LIPC: variants seen among roughly 807,000 people sequenced by gnomAD.
LIPC encodes lipase C, hepatic type, also known as hepatic triacylglycerol lipase.
LIPC carries 44 observed loss-of-function variants against 50.7 expected under a neutral mutation model. That is an observed-to-expected ratio of 0.87 (90% confidence interval 0.68 to 1.11). The LOEUF is 1.11. LIPC is among the 50% of genes most tolerant of loss of function. The pLI, the probability that LIPC is intolerant of heterozygous loss-of-function variation, is 0.00. For missense variants in LIPC, 697 were observed against 648.2 expected, an observed-to-expected ratio of 1.08 and a Z score of -0.82; for synonymous variants, 271 against 256.4, an observed-to-expected ratio of 1.06 and a Z score of -0.54.
intron 1 of LIPC, among the ~76,000 whole-genome samples, chr15:58,457,545 A>G (rs1373861752): frequency 1.3e-5 from 2 of 152,224 alleles, no homozygotes; most frequent in Non-Finnish European, 2.9e-5. Flanking sequence ...TCTGTGCCCC[A>G]CATCCCCTCA....
At chr15:58,516,319 T>C (rs1892489702) in intron 1 of LIPC, among the ~76,000 whole-genome samples, 1 of 151,264 alleles carries the variant, frequency 6.6e-6, no homozygotes, top group Non-Finnish European at 1.5e-5. Flanking sequence ...TTCCCTCATA[T>C]TTTTTGTGTT....
At chr15:58,534,395 C>G (rs1277305325) in intron 1 of LIPC, among the ~76,000 whole-genome samples, 1 of 152,172 alleles carries the variant, frequency 6.6e-6, no homozygotes, top group African/African-American at 2.4e-5. Context: ...GAGGCTCAGA[C>G]CCCTGGGCTT....
chr15:58,515,533 C>CACACATATATATATATATATATATAT (rs147594972), intron 1 of LIPC, among the ~76,000 whole-genome samples: 19 of 141,722 alleles, frequency 1.3e-4, no homozygotes, highest in African/African-American at 4.9e-4. Flanking sequence ...TATACACACA[C>CACACATATATATATATATATATATAT]ATATATATAT....
intron 2 of LIPC, 113 bp downstream of exon 2, chr15:58,538,630 T>A: frequency 9.7e-7 from 1 of 1,033,578 alleles, no homozygotes; most frequent in East Asian, 2.4e-5. Context: ...ACTCCATGCA[T>A]AATGTTTATG....
At chr15:58,492,064 G>T (rs1011801161) in intron 1 of LIPC, among the ~76,000 whole-genome samples, 2 of 152,110 alleles carry the variant, frequency 1.3e-5, no homozygotes, top group East Asian at 3.8e-4. Flanking sequence ...CCCCAGAGAG[G>T]GACTGTCCCT....
intron 8 of LIPC, among the ~76,000 whole-genome samples, chr15:58,567,797 G>GT (rs1360841873): frequency 1.3e-5 from 2 of 152,132 alleles, no homozygotes; most frequent in African/African-American, 4.8e-5. Context: ...CTCAATATAT[G>GT]TAAATGCATA....
At chr15:58,445,925 G>A (rs1349953835) in intron 1 of LIPC, among the ~76,000 whole-genome samples, 1 of 152,178 alleles carries the variant, frequency 6.6e-6, no homozygotes, top group Admixed American at 6.5e-5. Flanking sequence ...CGATTCATAT[G>A]CTACTCCCAG....
At position 58,498,400 on chromosome 15, in the gene LIPC, A is replaced by G. The variant is rs1470162568; in HGVS notation, c.89-39933A>G. Among the ~76,000 whole-genome samples, 5 of 152,256 alleles carry G rather than the reference A, an allele frequency of 3.3e-5. No homozygotes were observed. In the East Asian group the frequency reaches 7.7e-4, roughly 23 times the overall value. ...GAGAATCACTTTGAGCCCCTGCGTT[A>G]TCAATAGGGGCCATATTGCCCCCAA... On this transcript the variant is annotated intron_variant, in intron 1 of 8. Transcript: ENST00000299022.
Position 58,493,681 on chromosome 15 carries a change from G to A in LIPC, c.89-44652G>A, listed in dbSNP as rs181593667. ...ATAAAATTTATACAAAATTTATTAC[G>A]TATAAATAAAATTTATACAAAATTT... is the stretch of plus-strand genomic sequence containing the variant. On this transcript the variant is annotated intron_variant, in intron 1 of 8. Transcript: ENST00000299022. Among the ~76,000 whole-genome samples the A allele has an allele frequency of 5.0e-3, 719 of 142,564 alleles. 1 individual carries two copies. Among genetic ancestry groups the A allele is most frequent in the Non-Finnish European group, 7.6e-3 (500 of 65,512 alleles). The allele number at this position is 142,564 out of a possible 152,430, so 93.5% of individuals were successfully genotyped here. A position where few individuals can be genotyped will look rare whatever the true frequency, so the allele number is the denominator to read the frequency against.
chr15:58,552,422 T>TCCTGCGG (rs1199925409), intron 6 of LIPC, among the ~76,000 whole-genome samples: 3 of 152,294 alleles, frequency 2.0e-5, no homozygotes, highest in Admixed American at 6.5e-5. Flanking sequence ...TGCCTCTCCC[T>TCCTGCGG]CCTGCGGCAT....
intron 4 of LIPC, among the ~76,000 whole-genome samples, chr15:58,544,890 A>G (rs12592127): frequency 0.1 from 15,718 of 152,218 alleles, 1,140 homozygotes; most frequent in East Asian, 0.38. Flanking sequence ...CCCCAACCAC[A>G]GTCAGCCAGG....
At chr15:58,455,233 A>G (rs1414593750) in intron 1 of LIPC, among the ~76,000 whole-genome samples, 1 of 152,254 alleles carries the variant, frequency 6.6e-6, no homozygotes, top group Non-Finnish European at 1.5e-5. Context: ...AGGGCCAGAC[A>G]GTAAATATTT....
chr15:58,456,508 C>T (rs1595863997), intron 1 of LIPC, among the ~76,000 whole-genome samples: 2 of 152,254 alleles, frequency 1.3e-5, no homozygotes, highest in African/African-American at 4.8e-5. Context: ...GGACAGGGCA[C>T]ATCTCCCCTG....
chr15:58,467,502 G>C (rs1403294826), intron 1 of LIPC, among the ~76,000 whole-genome samples: 4 of 152,252 alleles, frequency 2.6e-5, no homozygotes, highest in Admixed American at 1.3e-4. Context: ...CTTTTACCGG[G>C]TTTAATGAGT....
At chr15:58,448,298 T>C (rs1893773984) in intron 1 of LIPC, among the ~76,000 whole-genome samples, 1 of 152,194 alleles carries the variant, frequency 6.6e-6, no homozygotes, top group Non-Finnish European at 1.5e-5. Flanking sequence ...CTTGCAGTTT[T>C]CCCATCAAGC....
chr15:58,461,597 T>A lies in LIPC; in HGVS notation c.88+29477T>A, dbSNP rs187985373. 2.6e-3 allele frequency among the ~76,000 whole-genome samples: 399 copies of A among 151,812 alleles called. 2 individuals carry two copies. The highest frequency in any genetic ancestry group is 9.3e-3 in the African/African-American group (387 of 41,398). On this transcript the variant is annotated intron_variant, in intron 1 of 8. Coordinates refer to ENST00000299022, the MANE Select transcript of LIPC (RefSeq NM_000236.3). ...CTAATTTTTGATTTTTTTTTTTTTTTAGTAGATATGGAGTTTCACCACATT... is the reference window on the plus strand; with the variant it reads ...CTAATTTTTGATTTTTTTTTTTTTTAAGTAGATATGGAGTTTCACCACATT...
At chr15:58,489,509 GAA>G (rs1891507293) in intron 1 of LIPC, among the ~76,000 whole-genome samples, 3 of 152,250 alleles carry the variant, frequency 2.0e-5, no homozygotes, top group African/African-American at 7.2e-5. Flanking sequence ...TAGGGTTATG[GAA>G]AACGGTCCTT....
intron 1 of LIPC, among the ~76,000 whole-genome samples, chr15:58,525,620 C>T (rs1892778272): frequency 6.6e-6 from 1 of 152,192 alleles, no homozygotes; most frequent in South Asian, 2.1e-4. Flanking sequence ...GTCTATGTAC[C>T]CCTTTGAGGC....
intron 1 of LIPC, among the ~76,000 whole-genome samples, chr15:58,535,376 T>C (rs2140899811): frequency 6.6e-6 from 1 of 152,296 alleles, no homozygotes; most frequent in South Asian, 2.1e-4. Flanking sequence ...CTGTATACAG[T>C]ATACAGCTTC....
Sources: gnomAD v4.1 joint callset for allele counts (sites outside exome capture counted in the v4.1 genomes callset) on GRCh38, gnomAD v4.1.1 for gene constraint, MANE v1.5 for transcripts, NCBI Gene and HGNC (gene_info 2026-07-23, HGNC 2026-07-21) for gene names.